Variants in SYNPR observed in about 807,000 individuals in gnomAD.
SYNPR encodes synaptoporin.
In SYNPR, 23 loss-of-function variants were observed where a neutral mutation model predicts 32.9. That is an observed-to-expected ratio of 0.70 (90% CI 0.50 to 0.99). The LOEUF is 0.99. SYNPR is among the 50% of genes least tolerant of loss of function. The pLI is 0.00. For missense variants in SYNPR, 318 were observed against 349.3 expected (o/e 0.91, Z 0.71); for synonymous variants, 146 against 135.9 (o/e 1.07, Z -0.52).
At chr3:63,266,530 G>A (rs1266058445) in intron 2 of SYNPR, among the ~76,000 whole-genome samples, 9 of 151,458 alleles carry the variant, frequency 5.9e-5, no homozygotes, top group Admixed American at 3.9e-4. Context: ...TGGTGAAACC[G>A]CATCTCTACT....
chr3:63,300,287 C>T (rs2086830353), intron 2 of SYNPR, among the ~76,000 whole-genome samples: 1 of 151,394 alleles, frequency 6.6e-6, no homozygotes, highest in Admixed American at 6.6e-5. Flanking sequence ...TCAAATACTG[C>T]TTATATTCTG....
chr3:63,227,617 T>G (rs1182602030), upstream of SYNPR, among the ~76,000 whole-genome samples: 1 of 152,230 alleles, frequency 6.6e-6, no homozygotes, highest in African/African-American at 2.4e-5. Context: ...TCTCTATATT[T>G]GGCATGTAGG....
At chr3:63,404,292 A>G (rs989974735) in intron 2 of SYNPR, among the ~76,000 whole-genome samples, 1 of 152,220 alleles carries the variant, frequency 6.6e-6, no homozygotes, top group Admixed American at 6.5e-5. Context: ...CAGTTTTTAA[A>G]AGAAGAGAGC....
intron 2 of SYNPR, among the ~76,000 whole-genome samples, chr3:63,412,965 A>G (rs974108898): frequency 6.6e-6 from 1 of 152,202 alleles, no homozygotes; most frequent in Non-Finnish European, 1.5e-5. Context: ...CTGCTATTGC[A>G]TCTTTTTAGC....
chr3:63,335,437 G>A (rs1575601816), intron 2 of SYNPR, among the ~76,000 whole-genome samples: 4 of 151,710 alleles, frequency 2.6e-5, no homozygotes, highest in Admixed American at 2.6e-4. Context: ...GCACTGGCAC[G>A]TGAAGAAAAT....
intron 3 of SYNPR, among the ~76,000 whole-genome samples, chr3:63,540,511 A>T (rs755370428): frequency 9.9e-5 from 15 of 151,984 alleles, no homozygotes; most frequent in Non-Finnish European, 1.9e-4. Flanking sequence ...GTACTTTGAG[A>T]TTGATAAAAT....
At chr3:63,350,860 G>A (rs552882212) in intron 2 of SYNPR, among the ~76,000 whole-genome samples, 81 of 152,240 alleles carry the variant, frequency 5.3e-4, no homozygotes, top group Non-Finnish European at 9.1e-4. Flanking sequence ...ATTGGCCCCC[G>A]AGCCCATCAG....
At chr3:63,496,711 G>A (rs1328228345) in intron 3 of SYNPR, among the ~76,000 whole-genome samples, 2 of 151,846 alleles carry the variant, frequency 1.3e-5, no homozygotes, top group Admixed American at 6.6e-5. Flanking sequence ...TAATTATTAG[G>A]CATCTGTATT....
chr3:63,402,131 G>C (rs1230307287), intron 2 of SYNPR, among the ~76,000 whole-genome samples: 1 of 152,158 alleles, frequency 6.6e-6, no homozygotes, highest in Non-Finnish European at 1.5e-5. Flanking sequence ...GGAGGAAGGA[G>C]AGGTTTGAAG....
chr3:63,305,715 C>A (rs989101139), intron 2 of SYNPR, among the ~76,000 whole-genome samples: 1 of 151,858 alleles, frequency 6.6e-6, no homozygotes, highest in Admixed American at 6.6e-5. Flanking sequence ...GGTGTCCTAC[C>A]GACATACTAC....
At chr3:63,383,176 T>C (rs1424614727) in intron 2 of SYNPR, among the ~76,000 whole-genome samples, 1 of 152,224 alleles carries the variant, frequency 6.6e-6, no homozygotes, top group Non-Finnish European at 1.5e-5. Flanking sequence ...ATGGTTTTTG[T>C]ATTCAGTTTT....
intron 2 of SYNPR, among the ~76,000 whole-genome samples, chr3:63,408,369 AAAGAAAGAAAG>A (rs758879779): frequency 2.0e-5 from 3 of 150,712 alleles, no homozygotes; most frequent in African/African-American, 4.9e-5. Flanking sequence ...AGAAAGAAAG[AAAGAAAGAAAG>A]AAAAGGAAGG....
chr3:63,399,977 G>T lies in SYNPR; in HGVS notation c.85-80855G>T, dbSNP rs922864646. Among the ~76,000 whole-genome samples the T allele has an allele frequency of 1.6e-4, 24 of 152,284 alleles. 1 individual carries two copies. Among genetic ancestry groups the T allele is most frequent in the Admixed American group, 1.2e-3 (18 of 15,304 alleles). On this transcript the variant is annotated intron_variant, in intron 2 of 5. Coordinates refer to ENST00000478300, the MANE Select transcript of SYNPR (RefSeq NM_001130003.2). ...AGAAAAGCGCCTACAACAGACTGTT[G>T]TTCAGTGGAAATGAGAGTCAAATGA...
At chr3:63,332,841 T>C (rs1470054099) in intron 2 of SYNPR, among the ~76,000 whole-genome samples, 2 of 152,158 alleles carry the variant, frequency 1.3e-5, no homozygotes, top group Non-Finnish European at 2.9e-5. Flanking sequence ...GCATGGTTAA[T>C]CAATGTTGGC....
chr3:63,443,307 A>G, intron 2 of SYNPR: 1 of 1,488,122 alleles, frequency 6.7e-7, no homozygotes, highest in South Asian at 1.4e-5. Flanking sequence ...CTCTGCATTG[A>G]TTTTCTTCTT....
intron 2 of SYNPR, among the ~76,000 whole-genome samples, chr3:63,255,294 C>G (rs2086372436): frequency 6.6e-6 from 1 of 152,096 alleles, no homozygotes; most frequent in Non-Finnish European, 1.5e-5. Context: ...AAATTTCCAG[C>G]TTTCAACCCT....
chr3:63,275,932 G>C (rs2086570284), upstream of SYNPR, among the ~76,000 whole-genome samples: 2 of 152,112 alleles, frequency 1.3e-5, no homozygotes, highest in African/African-American at 4.8e-5. Context: ...TTTTGGTTCG[G>C]CTACTTTACT....
At chr3:63,436,266 T>G (rs1001368857) in intron 2 of SYNPR, among the ~76,000 whole-genome samples, 1 of 151,870 alleles carries the variant, frequency 6.6e-6, no homozygotes, top group Non-Finnish European at 1.5e-5. Flanking sequence ...TGTGCCAGGT[T>G]GGTGTGCTGC....
intron 3 of SYNPR, chr3:63,545,356 A>G (rs1174224128): frequency 6.6e-6 from 1 of 152,162 alleles, no homozygotes; most frequent in South Asian, 2.1e-4. Context: ...CCTAATAAGA[A>G]TCTAACAAAA....
Sources: gnomAD v4.1 joint callset for allele counts (sites outside exome capture counted in the v4.1 genomes callset) on GRCh38, gnomAD v4.1.1 for gene constraint, MANE v1.5 for transcripts, NCBI Gene and HGNC (gene_info 2026-07-23, HGNC 2026-07-21) for gene names.